ARID1B: variants seen among roughly 807,000 people sequenced by gnomAD.
ARID1B encodes AT-rich interactive domain-containing protein 1B.
A neutral mutation model predicts 212.3 loss-of-function variants in ARID1B; 30 were observed. The observed-to-expected ratio is 0.14, with a 90% CI of 0.11 to 0.19. ARID1B has a LOEUF of 0.19. Ranked by LOEUF, ARID1B falls within the 10% of genes least tolerant of loss-of-function variation. The pLI is 1.00. For missense variants in ARID1B, 2,891 were observed against 3,204.0 expected, an observed-to-expected ratio of 0.90 and a Z score of 2.36; for synonymous variants, 1,402 against 1,301.7, an observed-to-expected ratio of 1.08 and a Z score of -1.66.
intron 3 of ARID1B, among the ~76,000 whole-genome samples, chr6:156,915,482 C>T (rs112508668): frequency 0.022 from 3,319 of 151,878 alleles, 137 homozygotes; most frequent in African/African-American, 0.076. Context: ...GGAGGAGAAT[C>T]GCTTGAACCC....
At chr6:157,179,176 A>G (rs965866975) in intron 11 of ARID1B, among the ~76,000 whole-genome samples, 3 of 152,128 alleles carry the variant, frequency 2.0e-5, no homozygotes, top group African/African-American at 2.4e-5. Context: ...GTAACTCCCC[A>G]AAGAAGAAAA....
intron 7 of ARID1B, among the ~76,000 whole-genome samples, chr6:157,138,850 A>G (rs1187111175): frequency 1.3e-5 from 2 of 152,242 alleles, no homozygotes; most frequent in African/African-American, 4.8e-5. Flanking sequence ...GTTATGTTTT[A>G]CTAAGGAAAT....
In ARID1B at chr6:157,110,588, G is replaced by A. The variant is rs760989992; in HGVS notation, c.2581+27G>A. ...TTCGTCTCCAGTTCATGTCTTACAT[G>A]CCTATAGTGCTTTCAGGCGATAAGG... is the stretch of plus-strand genomic sequence containing the variant. On this transcript the variant is annotated intron_variant, in intron 6 of 19. Coordinates refer to ENST00000636930, the MANE Select transcript of ARID1B (RefSeq NM_001374828.1). The A allele has an allele frequency of 3.1e-6, 5 of 1,607,186 alleles. No homozygotes were observed. The African/African-American group carries it at 4.0e-5, about 13-fold the overall frequency.
At chr6:156,929,710 A>T (rs1229380349) in intron 3 of ARID1B, among the ~76,000 whole-genome samples, 1 of 152,158 alleles carries the variant, frequency 6.6e-6, no homozygotes, top group Admixed American at 6.5e-5. Context: ...GTTATCACTT[A>T]TTCCAGATCC....
chr6:156,882,542 A>G (rs558630726), intron 2 of ARID1B, among the ~76,000 whole-genome samples: 2 of 152,224 alleles, frequency 1.3e-5, no homozygotes, highest in Non-Finnish European at 2.9e-5. Context: ...GATACCAACT[A>G]TAAGGGTGCC....
chr6:156,829,518 C>A, intron 2 of ARID1B, 97 bp downstream of exon 2: 4 of 1,217,646 alleles, frequency 3.3e-6, no homozygotes, highest in Non-Finnish European at 4.4e-6. Context: ...AATTAGGGGG[C>A]ATTGCACGGA....
At chr6:156,950,203 A>G (rs1332459541) in intron 4 of ARID1B, among the ~76,000 whole-genome samples, 1 of 152,246 alleles carries the variant, frequency 6.6e-6, no homozygotes, top group African/African-American at 2.4e-5. Context: ...AAAAGAAGGC[A>G]AAAGCAAAGG....
chr6:156,810,312 G>A (rs1056901647), intron 1 of ARID1B, among the ~76,000 whole-genome samples: 2 of 152,074 alleles, frequency 1.3e-5, no homozygotes, highest in African/African-American at 4.8e-5. Flanking sequence ...GTAGGTTCTG[G>A]TTATAAAAGT....
chr6:156,950,792 C>T (rs1226583158), intron 4 of ARID1B, among the ~76,000 whole-genome samples: 1 of 152,172 alleles, frequency 6.6e-6, no homozygotes. Context: ...TTTTCCCCAA[C>T]ATTTTTATTG....
chr6:157,079,397 T>C (rs1434166456), intron 4 of ARID1B, among the ~76,000 whole-genome samples: 1 of 152,228 alleles, frequency 6.6e-6, no homozygotes, highest in Non-Finnish European at 1.5e-5. Context: ...ACAGTCACTG[T>C]GAGAATTTTC....
chr6:157,099,016 C>T (rs528867991), intron 5 of ARID1B, among the ~76,000 whole-genome samples: 19 of 152,062 alleles, frequency 1.2e-4, no homozygotes, highest in African/African-American at 1.9e-4. Context: ...CAGGCTGGGG[C>T]GCAGTGGCAT....
chr6:157,160,935 C>A (rs1239222385), intron 8 of ARID1B, among the ~76,000 whole-genome samples: 2 of 152,194 alleles, frequency 1.3e-5, no homozygotes, highest in African/African-American at 4.8e-5. Context: ...CAGACCTCTC[C>A]AAGCCACGCA....
intron 11 of ARID1B, among the ~76,000 whole-genome samples, chr6:157,178,968 G>C (rs1034547110): frequency 2.0e-5 from 3 of 152,174 alleles, no homozygotes; most frequent in African/African-American, 7.2e-5. Context: ...GCTAATTGGA[G>C]CAATTTTAAA....
chr6:156,850,642 C>A (rs1032626705), intron 2 of ARID1B, among the ~76,000 whole-genome samples: 2 of 152,102 alleles, frequency 1.3e-5, no homozygotes, highest in African/African-American at 4.8e-5. Context: ...GCAGTTTAAG[C>A]ATTTTTTTCT....
rs1249277650 is a variant in ARID1B, at chr6:156,778,226, C to T, written c.546C>T (p.His182=). ...HAHHHHHHAH[H]LHHHHALQQQ... Reference sequence around the variant, plus strand: ...ACCACCACCACCACCATGCCCACCACCTCCACCACCACCACGCACTACAGC... The same window carrying T: ...ACCACCACCACCACCATGCCCACCATCTCCACCACCACCACGCACTACAGC... The change falls in exon 1 of 20, where the codon CAC becomes CAT. Residue 182 remains histidine (H), a synonymous_variant. Coordinates refer to ENST00000636930, the MANE Select transcript of ARID1B (RefSeq NM_001374828.1). The T allele has an allele frequency of 8.4e-6, 13 of 1,540,166 alleles. No individual in the cohort carries two copies. The highest frequency in any genetic ancestry group is 2.0e-5 in the Admixed American group (1 of 50,982).
chr6:157,184,616 A>C (rs1371687862), intron 13 of ARID1B, 181 bp downstream of exon 13: 5 of 702,488 alleles, frequency 7.1e-6, no homozygotes. Flanking sequence ...GGGATGAGAG[A>C]ATTAAATCTG....
At chr6:156,828,513 G>C (rs148559891) in intron 1 of ARID1B, among the ~76,000 whole-genome samples, 65 of 152,262 alleles carry the variant, frequency 4.3e-4, no homozygotes, top group African/African-American at 1.5e-3. Context: ...GAGGCTCCAC[G>C]CCTAGCCCTC....
intron 4 of ARID1B, among the ~76,000 whole-genome samples, chr6:156,954,123 A>G (rs1793784669): frequency 6.6e-6 from 1 of 152,036 alleles, no homozygotes; most frequent in South Asian, 2.1e-4. Context: ...GACTTAGCCC[A>G]TTATCTGCTT....
chr6:156,934,491 G>A (rs1443427868), intron 3 of ARID1B, among the ~76,000 whole-genome samples: 1 of 152,038 alleles, frequency 6.6e-6, no homozygotes, highest in Admixed American at 6.6e-5. Flanking sequence ...GGTTTTTTGG[G>A]TGTGTTTTGT....
Sources: gnomAD v4.1 joint callset for allele counts (sites outside exome capture counted in the v4.1 genomes callset) on GRCh38, gnomAD v4.1.1 for gene constraint, MANE v1.5 for transcripts, NCBI Gene and HGNC (gene_info 2026-07-23, HGNC 2026-07-21) for gene names.